Variants in DGKG observed in about 807,000 individuals in gnomAD.
The protein encoded by DGKG is DAG kinase gamma.
DGKG carries 78 observed loss-of-function variants against 105.3 expected under a neutral mutation model. That is an observed-to-expected ratio of 0.74 (90% confidence interval 0.62 to 0.89). The LOEUF (loss-of-function observed/expected upper bound fraction) is 0.89. Among genes scored for constraint, DGKG ranks in the 40% least tolerant of loss-of-function variants. The pLI, the probability that DGKG is intolerant of heterozygous loss-of-function variation, is 0.00. For synonymous variants in DGKG, 346 were observed against 367.1 expected (o/e 0.94, Z 0.66); for missense variants, 958 against 1,020.1 (o/e 0.94, Z 0.83).
intron 1 of DGKG, among the ~76,000 whole-genome samples, chr3:186,328,857 G>A (rs912850512): frequency 9.2e-5 from 14 of 152,170 alleles, no homozygotes; most frequent in African/African-American, 2.2e-4. Context: ...GAGATTACAG[G>A]TGTGAGCCAC....
chr3:186,257,681 C>CT (rs34393958), intron 17 of DGKG, 173 bp downstream of exon 17: 31,476 of 459,606 alleles, frequency 0.068, 124 homozygotes, highest in Non-Finnish European at 0.08. Context: ...TGTCTTATTT[C>CT]TTTTTTTTTT....
At chr3:186,281,580 G>A (rs1192883972) in intron 7 of DGKG, among the ~76,000 whole-genome samples, 1 of 152,138 alleles carries the variant, frequency 6.6e-6, no homozygotes, top group Non-Finnish European at 1.5e-5. Flanking sequence ...AGAATGCCGG[G>A]TCCAAATAGC....
At chr3:186,299,359 G>C (rs1209611322) in intron 3 of DGKG, among the ~76,000 whole-genome samples, 4 of 152,186 alleles carry the variant, frequency 2.6e-5, no homozygotes, top group African/African-American at 9.7e-5. Context: ...GCTTACATGT[G>C]TATAAACAAG....
In DGKG at chr3:186,288,895, A is replaced by C; in HGVS notation, c.374-15T>G. ...CATATTTGATTCTGCGATGAACAAA[A>C]GGAAAACATCCAAGGACATTTTCTG... On this transcript the variant is annotated splice_polypyrimidine_tract_variant and intron_variant, in intron 5 of 24. Coordinates refer to ENST00000265022, the MANE Select transcript of DGKG (RefSeq NM_001346.3). The C allele has an allele frequency of 2.0e-6, 3 of 1,535,440 alleles. No individual in the cohort carries two copies. Among genetic ancestry groups the C allele is most frequent in the Non-Finnish European group, 2.6e-6 (3 of 1,143,784 alleles).
intron 21 of DGKG, among the ~76,000 whole-genome samples, chr3:186,191,887 T>C (rs1717925613): frequency 6.6e-6 from 1 of 152,242 alleles, no homozygotes; most frequent in Non-Finnish European, 1.5e-5. Context: ...TTCTTTTCAG[T>C]GTGATTCATG....
intron 3 of DGKG, 78 bp from the exon 4 acceptor site, chr3:186,298,307 A>G: frequency 1.4e-6 from 2 of 1,406,534 alleles, no homozygotes; most frequent in Non-Finnish European, 1.9e-6. Flanking sequence ...AAGGAATAGA[A>G]AAGCTGGCAG....
intron 3 of DGKG, among the ~76,000 whole-genome samples, chr3:186,305,056 G>A (rs1206203501): frequency 1.3e-5 from 2 of 152,218 alleles, no homozygotes; most frequent in Non-Finnish European, 2.9e-5. Context: ...AATGTTTATT[G>A]AATGCCTGCT....
Position 186,279,803 on chromosome 3 carries a change from A to G in DGKG, c.792+48T>C, listed in dbSNP as rs1272495454. On this transcript the variant is annotated intron_variant, in intron 9 of 24. Transcript: ENST00000265022. ...TATGTTGATATTAACATGAAGCCCA[A>G]TGTTCCTGAATGGCAAGAGATCTCT... The G allele has an allele frequency of 7.5e-6, 12 of 1,600,716 alleles. 1 individual carries two copies. Among genetic ancestry groups the G allele is most frequent in the South Asian group, 2.2e-5 (2 of 89,128 alleles).
intron 21 of DGKG, among the ~76,000 whole-genome samples, chr3:186,194,820 A>AG (rs1718097739): frequency 6.7e-6 from 1 of 149,742 alleles, no homozygotes; most frequent in Non-Finnish European, 1.5e-5. Flanking sequence ...AAAAAAAAAA[A>AG]AAGCCGGGCA....
intron 1 of DGKG, among the ~76,000 whole-genome samples, chr3:186,338,578 A>G (rs1447811022): frequency 6.6e-6 from 1 of 152,244 alleles, no homozygotes; most frequent in Non-Finnish European, 1.5e-5. Flanking sequence ...AAGGATGTAC[A>G]TGAAATGTAA....
At chr3:186,198,172 G>A (rs563464202) in intron 21 of DGKG, among the ~76,000 whole-genome samples, 5 of 152,278 alleles carry the variant, frequency 3.3e-5, no homozygotes, top group Non-Finnish European at 7.4e-5. Flanking sequence ...TTGAAGAAAC[G>A]TGATAAGGTT....
intron 1 of DGKG, among the ~76,000 whole-genome samples, chr3:186,350,343 A>AT (rs1189537733): frequency 1.3e-5 from 2 of 152,008 alleles, no homozygotes; most frequent in Non-Finnish European, 2.9e-5. Flanking sequence ...AATGTGCAGT[A>AT]TTTTTTCTTT....
intron 10 of DGKG, among the ~76,000 whole-genome samples, chr3:186,275,300 T>C (rs1722525660): frequency 6.6e-6 from 1 of 152,246 alleles, no homozygotes. Context: ...ACTTTAATAA[T>C]TTCTTCTAGG....
At chr3:186,351,902 G>C (rs1726648292) in intron 1 of DGKG, among the ~76,000 whole-genome samples, 1 of 152,234 alleles carries the variant, frequency 6.6e-6, no homozygotes, top group Non-Finnish European at 1.5e-5. Flanking sequence ...TAAAAGCTCT[G>C]TAATTTGAGA....
Position 186,260,519 on chromosome 3 carries a change from GA to G in DGKG, c.1350-7del, listed in dbSNP as rs111691516. On this transcript the variant is annotated splice_region_variant and splice_polypyrimidine_tract_variant and intron_variant, in intron 15 of 24. Transcript: ENST00000265022. ...AGTGGAATTTCCGAAGAATTCTATG[GA>G]AAAAAAAAGAAAAGGAGGGAGAGAG... The G allele has an allele frequency of 3.5e-5, 55 of 1,573,788 alleles. No individual in the cohort carries two copies. The highest frequency in any genetic ancestry group is 5.2e-5 in the Admixed American group (3 of 57,292).
chr3:186,174,089 T>C (rs1051158495), intron 22 of DGKG, among the ~76,000 whole-genome samples: 4 of 152,128 alleles, frequency 2.6e-5, no homozygotes, highest in Non-Finnish European at 2.9e-5. Flanking sequence ...TCGGACAGAG[T>C]TGGGTCTGAT....
chr3:186,160,252 C>T, intron 24 of DGKG: 1 of 985,306 alleles, frequency 1.0e-6, no homozygotes, highest in Non-Finnish European at 1.2e-6. Context: ...ATTTCAAAAT[C>T]CAGTGCTTGA....
At position 186,298,237 on chromosome 3, in the gene DGKG, G is replaced by A; in HGVS notation, c.145-8C>T. 1.3e-6 allele frequency: 2 copies of A among 1,580,362 alleles called. No homozygotes were observed. Among genetic ancestry groups the A allele is most frequent in the East Asian group, 2.3e-5 (1 of 44,108 alleles). On this transcript the variant is annotated splice_polypyrimidine_tract_variant and splice_region_variant and intron_variant, in intron 3 of 24. Transcript: ENST00000265022. ...GACATCATAGCTAATCGGCTGAGAA[G>A]GGGCAAAAGGGCAAAGTCAGTGGAG...
At chr3:186,161,784 A>G in intron 23 of DGKG, 121 bp from the exon 24 acceptor site, 2 of 1,471,036 alleles carry the variant, frequency 1.4e-6, no homozygotes, top group East Asian at 2.3e-5. Flanking sequence ...TGGTTCTCTA[A>G]GACTCTTTTG....
Sources: gnomAD v4.1 joint callset for allele counts (sites outside exome capture counted in the v4.1 genomes callset) on GRCh38, gnomAD v4.1.1 for gene constraint, MANE v1.5 for transcripts, NCBI Gene and HGNC (gene_info 2026-07-23, HGNC 2026-07-21) for gene names.